Variants in PARD3 observed in about 807,000 individuals in gnomAD.
The protein encoded by PARD3 is par-3 family cell polarity regulator.
A neutral mutation model predicts 155.4 loss-of-function variants in PARD3; 75 were observed. That is an observed-to-expected ratio of 0.48 (90% CI 0.40 to 0.58). The LOEUF is 0.58. PARD3 is among the 20% of genes least tolerant of loss of function. The pLI is 0.00. For synonymous variants in PARD3, 576 were observed against 610.5 expected (o/e 0.94, Z 0.83); for missense variants, 1,642 against 1,721.7 (o/e 0.95, Z 0.82).
chr10:34,339,449 A>C (rs1359099719), intron 16 of PARD3, among the ~76,000 whole-genome samples: 1 of 152,240 alleles, frequency 6.6e-6, no homozygotes, highest in Non-Finnish European at 1.5e-5. Context: ...GTGTTAGTAG[A>C]AATAAATTGT....
At chr10:34,184,651 C>T (rs1950405874) in intron 22 of PARD3, among the ~76,000 whole-genome samples, 1 of 151,872 alleles carries the variant, frequency 6.6e-6, no homozygotes, top group Non-Finnish European at 1.5e-5. Flanking sequence ...GATTTACAAC[C>T]CCAGCTCACC....
intron 1 of PARD3, among the ~76,000 whole-genome samples, chr10:34,740,805 T>C (rs572466813): frequency 3.9e-5 from 6 of 152,234 alleles, no homozygotes; most frequent in South Asian, 2.1e-4. Context: ...CATAAAAAAA[T>C]TGATAAAGCC....
chr10:34,113,522 CAT>C (rs758283908), intron 24 of PARD3, among the ~76,000 whole-genome samples: 97 of 148,476 alleles, frequency 6.5e-4, no homozygotes, highest in Non-Finnish European at 9.5e-4. Context: ...CACACACACA[CAT>C]AGACACACAC....
intron 5 of PARD3, among the ~76,000 whole-genome samples, chr10:34,434,961 A>G (rs1001910098): frequency 6.6e-6 from 1 of 152,222 alleles, no homozygotes; most frequent in African/African-American, 2.4e-5. Context: ...TTGATCAAGC[A>G]TAAAATTAAT....
Position 34,427,557 on chromosome 10 carries a change from G to A in PARD3, c.714+22760C>T, listed in dbSNP as rs369027823. ...GAAGTTCATTAGTGATTCTAGTTTC[G>A]CCCTGACCTTGTGACCTCGCCCTGA... On this transcript the variant is annotated intron_variant, in intron 5 of 24. Coordinates refer to ENST00000374788, the MANE Select transcript of PARD3 (RefSeq NM_001184785.2). 3.2e-3 allele frequency among the ~76,000 whole-genome samples: 484 copies of A among 152,154 alleles called. 1 individual carries two copies. Among genetic ancestry groups the A allele is most frequent in the East Asian group, 0.016 (85 of 5,166 alleles).
intron 2 of PARD3, among the ~76,000 whole-genome samples, chr10:34,548,345 A>C (rs1321958166): frequency 6.6e-6 from 1 of 151,304 alleles, no homozygotes; most frequent in Non-Finnish European, 1.5e-5. Context: ...ACACACACAC[A>C]AAAAAAAGCC....
intron 2 of PARD3, among the ~76,000 whole-genome samples, chr10:34,684,838 C>T (rs11009870): frequency 1.5e-5 from 2 of 135,428 alleles, no homozygotes; most frequent in African/African-American, 5.9e-5. Context: ...CACATATATA[C>T]ACACACACAT....
chr10:34,547,900 T>A (rs565660662), intron 2 of PARD3, among the ~76,000 whole-genome samples: 5 of 152,220 alleles, frequency 3.3e-5, no homozygotes, highest in Non-Finnish European at 7.3e-5. Flanking sequence ...ACATAAAAAA[T>A]TCCCCATGAT....
chr10:34,147,773 G>A (rs980124867), intron 22 of PARD3, among the ~76,000 whole-genome samples: 3 of 151,994 alleles, frequency 2.0e-5, no homozygotes, highest in Admixed American at 2.0e-4. Context: ...TGGGAAAACA[G>A]AGTACTAGTA....
At chr10:34,777,168 A>T (rs1839692124) in intron 1 of PARD3, among the ~76,000 whole-genome samples, 1 of 151,758 alleles carries the variant, frequency 6.6e-6, no homozygotes, top group African/African-American at 2.4e-5. Flanking sequence ...GTCTTATGTC[A>T]TTTCCCTGCT....
intron 22 of PARD3, among the ~76,000 whole-genome samples, chr10:34,149,548 T>C (rs564745419): frequency 3.8e-4 from 58 of 152,314 alleles, no homozygotes; most frequent in African/African-American, 1.4e-3. Context: ...ATTTGTTATA[T>C]AATTTTTCTT....
chr10:34,487,339 C>A (rs1282288075), intron 3 of PARD3, among the ~76,000 whole-genome samples: 1 of 151,626 alleles, frequency 6.6e-6, no homozygotes, highest in African/African-American at 2.4e-5. Flanking sequence ...TGTGATTCTA[C>A]CCCCAGTTTT....
intron 1 of PARD3, among the ~76,000 whole-genome samples, chr10:34,741,377 G>C (rs1409034487): frequency 1.3e-5 from 2 of 151,750 alleles, no homozygotes. Context: ...TAGTGGTACA[G>C]TCTCACTATG....
chr10:34,405,116 A>T (rs1487701484), intron 5 of PARD3, among the ~76,000 whole-genome samples: 1 of 149,138 alleles, frequency 6.7e-6, no homozygotes, highest in Non-Finnish European at 1.5e-5. Flanking sequence ...ACACACACAC[A>T]CTTTAAAAAC....
At chr10:34,516,713 AT>A (rs1166152382) in intron 3 of PARD3, among the ~76,000 whole-genome samples, 1 of 152,244 alleles carries the variant, frequency 6.6e-6, no homozygotes. Flanking sequence ...GGAAAGGAAA[AT>A]CCAAATAATT....
chr10:34,727,881 CACACACACACA>C (rs2094746104), intron 1 of PARD3, among the ~76,000 whole-genome samples: 1 of 83,626 alleles, frequency 1.2e-5, no homozygotes, highest in Non-Finnish European at 2.9e-5. Context: ...CCCTCCGCCA[CACACACACACA>C]CACACACACA....
chr10:34,681,768 A>ATTTT (rs56661701), intron 2 of PARD3, among the ~76,000 whole-genome samples: 3 of 17,400 alleles, frequency 1.7e-4, no homozygotes, highest in East Asian at 2.5e-3. Context: ...ATATATATAT[A>ATTTT]TTTTTTTTTT....
Position 34,740,499 on chromosome 10 carries a change from G to A in PARD3, c.121-44080C>T, listed in dbSNP as rs77416767. On this transcript the variant is annotated intron_variant, in intron 1 of 24. Coordinates refer to ENST00000374788, the MANE Select transcript of PARD3 (RefSeq NM_001184785.2). Reference sequence around the variant, plus strand: ...CACTGTGCCCGTTCCAACAAAATGCGGTTTTCTATCATCAGTGAGTGATAG... The same window carrying A: ...CACTGTGCCCGTTCCAACAAAATGCAGTTTTCTATCATCAGTGAGTGATAG... Among the ~76,000 whole-genome samples the A allele has an allele frequency of 3.6e-3, 544 of 152,160 alleles. 2 individuals are homozygous for A. Among genetic ancestry groups the A allele is most frequent in the African/African-American group, 0.012 (517 of 41,496 alleles).
chr10:34,343,298 T>C, intron 15 of PARD3: 1 of 919,720 alleles, frequency 1.1e-6, no homozygotes, highest in African/African-American at 1.8e-5. Flanking sequence ...GCATTCATTT[T>C]TAAACACAAA....
Sources: allele counts gnomAD v4.1 joint callset (sites outside exome capture counted in the v4.1 genomes callset), GRCh38; gene constraint gnomAD v4.1.1; transcripts MANE v1.5; gene names NCBI Gene and HGNC (gene_info 2026-07-23, HGNC 2026-07-21).